SLC25A21: variants seen among roughly 807,000 people sequenced by gnomAD.
SLC25A21 encodes the protein solute carrier family 25 member 21, also known as mitochondrial 2-oxodicarboxylate carrier.
SLC25A21 carries 47 observed loss-of-function variants against 43.8 expected under a neutral mutation model. The ratio of observed to expected loss-of-function variants is 1.07; its 90% CI spans 0.85 to 1.37. The LOEUF is 1.37. Among genes scored for constraint, SLC25A21 ranks in the 40% most tolerant of loss-of-function variants. The pLI, the probability that SLC25A21 is intolerant of heterozygous loss-of-function variation, is 0.00. For synonymous variants in SLC25A21, 131 were observed against 121.3 expected (o/e 1.08, Z -0.52); for missense variants, 352 against 350.2 (o/e 1.00, Z -0.04).
At chr14:37,124,366 C>A (rs951139229) in intron 1 of SLC25A21, among the ~76,000 whole-genome samples, 6 of 152,090 alleles carry the variant, frequency 3.9e-5, no homozygotes, top group African/African-American at 1.4e-4. Context: ...TATTTCATAT[C>A]ATCCTTTCCC....
At chr14:37,061,906 G>C (rs1363514680) in intron 1 of SLC25A21, among the ~76,000 whole-genome samples, 2 of 152,140 alleles carry the variant, frequency 1.3e-5, no homozygotes, top group Non-Finnish European at 2.9e-5. Context: ...TTCTTGAAAG[G>C]CTCTTCAGAA....
intron 1 of SLC25A21, among the ~76,000 whole-genome samples, chr14:37,044,414 T>C (rs531503786): frequency 2.2e-4 from 34 of 152,306 alleles, no homozygotes; most frequent in Admixed American, 1.8e-3. Context: ...TGAAAACTAA[T>C]AGTGGACTAT....
chr14:37,162,991 G>A (rs1310474880), intron 1 of SLC25A21, among the ~76,000 whole-genome samples: 1 of 152,242 alleles, frequency 6.6e-6, no homozygotes, highest in East Asian at 1.9e-4. Context: ...GTCCTTTGTA[G>A]GGACATGGAT....
intron 1 of SLC25A21, among the ~76,000 whole-genome samples, chr14:37,137,211 G>T (rs951650493): frequency 6.6e-6 from 1 of 151,802 alleles, no homozygotes; most frequent in Non-Finnish European, 1.5e-5. Flanking sequence ...ATTAGCCAGG[G>T]TGGTCTCAAT....
At chr14:37,006,727 C>A (rs1052873252) in intron 1 of SLC25A21, among the ~76,000 whole-genome samples, 1 of 151,924 alleles carries the variant, frequency 6.6e-6, no homozygotes, top group African/African-American at 2.4e-5. Context: ...ACAAATAATG[C>A]ATATATTTTA....
chr14:36,980,074 T>A (rs1273262828), intron 1 of SLC25A21, among the ~76,000 whole-genome samples: 1 of 152,248 alleles, frequency 6.6e-6, no homozygotes. Context: ...TATCCTCTGC[T>A]TACTTACGAA....
At chr14:36,797,363 A>G (rs1403635181) in intron 3 of SLC25A21, among the ~76,000 whole-genome samples, 1 of 152,118 alleles carries the variant, frequency 6.6e-6, no homozygotes, top group Non-Finnish European at 1.5e-5. Context: ...AAAAGAGAAG[A>G]AAAAAAGGCT....
intron 1 of SLC25A21, among the ~76,000 whole-genome samples, chr14:37,084,021 T>C (rs1391131584): frequency 6.6e-6 from 1 of 152,210 alleles, no homozygotes; most frequent in Non-Finnish European, 1.5e-5. Context: ...CTATTCATCC[T>C]AATCTTCCTG....
At chr14:36,763,609 A>C (rs1300050948) in intron 3 of SLC25A21, among the ~76,000 whole-genome samples, 2 of 152,110 alleles carry the variant, frequency 1.3e-5, no homozygotes, top group African/African-American at 4.8e-5. Context: ...GGGGTCTGGA[A>C]ATAGCTTTTT....
intron 3 of SLC25A21, among the ~76,000 whole-genome samples, chr14:36,791,681 A>C (rs1026518153): frequency 6.6e-6 from 1 of 152,340 alleles, no homozygotes; most frequent in South Asian, 2.1e-4. Context: ...ATTTTAAGGA[A>C]AAGTTAATAA....
At chr14:36,779,274 A>G (rs1172067366) in intron 3 of SLC25A21, among the ~76,000 whole-genome samples, 2 of 145,710 alleles carry the variant, frequency 1.4e-5, no homozygotes, top group Non-Finnish European at 3.0e-5. Flanking sequence ...AGAATATATA[A>G]GAATTCTTAT....
chr14:37,109,152 G>A (rs1962973151), intron 1 of SLC25A21, among the ~76,000 whole-genome samples: 1 of 152,238 alleles, frequency 6.6e-6, no homozygotes, highest in Non-Finnish European at 1.5e-5. Flanking sequence ...TGATCCCCAT[G>A]AAATGCACAG....
chr14:36,977,578 T>C (rs1349410459), intron 1 of SLC25A21, among the ~76,000 whole-genome samples: 1 of 152,170 alleles, frequency 6.6e-6, no homozygotes, highest in Non-Finnish European at 1.5e-5. Context: ...TAATTCTCTG[T>C]TACAGCAAGA....
intron 1 of SLC25A21, among the ~76,000 whole-genome samples, chr14:37,029,586 G>A (rs1483237812): frequency 6.6e-6 from 1 of 152,050 alleles, no homozygotes; most frequent in Non-Finnish European, 1.5e-5. Flanking sequence ...AGTACTTACA[G>A]ACAGAATCCC....
chr14:37,086,092 G>A (rs760897727), intron 1 of SLC25A21, among the ~76,000 whole-genome samples: 1 of 152,028 alleles, frequency 6.6e-6, no homozygotes, highest in Non-Finnish European at 1.5e-5. Flanking sequence ...GCAACAGAGC[G>A]AGGCTCCGTC....
At chr14:37,003,470 G>A (rs576537189) in intron 1 of SLC25A21, among the ~76,000 whole-genome samples, 1 of 152,276 alleles carries the variant, frequency 6.6e-6, no homozygotes, top group East Asian at 1.9e-4. Context: ...ATAAGAGGGG[G>A]GGACTATTGT....
intron 1 of SLC25A21, among the ~76,000 whole-genome samples, chr14:36,928,233 G>A (rs1431836260): frequency 6.6e-6 from 1 of 152,072 alleles, no homozygotes; most frequent in Non-Finnish European, 1.5e-5. Context: ...AAGAGTCACA[G>A]CATAAGAATT....
intron 1 of SLC25A21, among the ~76,000 whole-genome samples, chr14:36,891,897 G>A (rs1449120604): frequency 6.6e-6 from 1 of 152,154 alleles, no homozygotes; most frequent in African/African-American, 2.4e-5. Flanking sequence ...GTGTCACATA[G>A]CGACCATGAA....
At chr14:36,716,702 GA>G (rs995943580) in intron 6 of SLC25A21, among the ~76,000 whole-genome samples, 1 of 151,998 alleles carries the variant, frequency 6.6e-6, no homozygotes, top group Admixed American at 6.6e-5. Flanking sequence ...ATTTTTTCTG[GA>G]GTTCTTCCAT....
Sources: allele counts gnomAD v4.1 joint callset (sites outside exome capture counted in the v4.1 genomes callset), GRCh38; gene constraint gnomAD v4.1.1; transcripts MANE v1.5; gene names NCBI Gene and HGNC (gene_info 2026-07-23, HGNC 2026-07-21).